The following NUDT16L1 variants were observed in gnomAD, a reference collection of about 807,000 sequenced individuals.
NUDT16L1 encodes the protein tudor-interacting repair regulator protein.
Under a neutral mutation model 17.3 loss-of-function variants are expected in NUDT16L1, and 19 were observed. The ratio of observed to expected loss-of-function variants is 1.10; its 90% CI spans 0.77 to 1.61. The LOEUF (loss-of-function observed/expected upper bound fraction) is 1.61. Ranked by LOEUF, NUDT16L1 falls within the 40% of genes most tolerant of loss-of-function variation. NUDT16L1 has a pLI of 0.00. For missense variants in NUDT16L1, 341 were observed against 292.0 expected (o/e 1.17, Z -1.22); for synonymous variants, 255 against 138.6 (o/e 1.84, Z -5.90).
intron 2 of NUDT16L1, chr16:4,694,750 G>T: frequency 1.4e-6 from 2 of 1,429,466 alleles, no homozygotes; most frequent in South Asian, 1.5e-5. Context: ...GAGTGCATGG[G>T]GTCAGCCTCC....
In NUDT16L1 at chr16:4,693,981, C is replaced by T. The variant is rs1489932671; in HGVS notation, c.157C>T (p.Gln53Ter). 1 of 1,575,076 alleles carries T rather than the reference C, an allele frequency of 6.3e-7. No individual in the cohort carries two copies. Among genetic ancestry groups the T allele is most frequent in the South Asian group, 1.1e-5 (1 of 87,614 alleles). The change falls in exon 2 of 3, where the codon CAG (glutamine) becomes TAG (stop). Residue 53 changes from glutamine to a stop codon, truncating the protein, a stop_gained. Transcript: ENST00000304301. LOFTEE classifies it high-confidence loss of function. ...TGTGACCCGCGCTCCCTTGCAGATG[C>T]AGATGCGTTTCGACGGGCTGCTGGG...
exon 3 of NUDT16L1, chr16:4,695,845 TCTGTGTGTTTCTCAGCTGCC>T (rs998628801): frequency 1.5e-4 from 49 of 331,752 alleles, no homozygotes; most frequent in Non-Finnish European, 1.5e-4. Context: ...CCGCAGCTGC[TCTGTGTGTTTCTCAGCTGCC>T]CTGTGTGTTT....
exon 1 of NUDT16L1, chr16:4,693,703 G>T: frequency 6.8e-7 from 1 of 1,479,996 alleles, no homozygotes; most frequent in Non-Finnish European, 9.0e-7. Context: ...AAGTGGCAGC[G>T]GCGGGGACGG....
At chr16:4,694,668 G>A (rs1314309398) in intron 2 of NUDT16L1, 3 of 1,420,910 alleles carry the variant, frequency 2.1e-6, no homozygotes, top group East Asian at 2.6e-5. Context: ...CGGGTGTTCA[G>A]GCTTCGTTGG....
exon 2 of NUDT16L1, chr16:4,694,208 C>T (rs746277511): frequency 3.2e-5 from 49 of 1,542,796 alleles, no homozygotes; most frequent in East Asian, 9.9e-5. Context: ...TGGAGATCAG[C>T]GCGGTGCACT....
chr16:4,695,013 TC>T lies in NUDT16L1; in HGVS notation c.474del (p.Asn159ThrfsTer3). 1 of 1,612,896 alleles carries T rather than the reference TC, an allele frequency of 6.2e-7. No individual in the cohort carries two copies. On this transcript the variant is annotated frameshift_variant, in exon 3 of 3. Coordinates refer to ENST00000304301, the Ensembl canonical transcript of NUDT16L1. LOFTEE classifies it high-confidence loss of function. ...ACCCAGAAGGACCGAGTCGGAGGCT[TC>T]CCCAACTTCCTGAGCAACGCCTTCG... is the stretch of plus-strand genomic sequence containing the variant.
In NUDT16L1 at chr16:4,694,052, CG is replaced by C. The variant is rs1567264552; in HGVS notation, c.230del (p.Gly77AlafsTer2). ...ACCGGCGCTTCTGGTCGCTGGAGGACGGCCTGAACCGGGTGCTGGGCCTGGG... is the reference window on the plus strand; with the variant it reads ...ACCGGCGCTTCTGGTCGCTGGAGGACGCCTGAACCGGGTGCTGGGCCTGGG... On this transcript the variant is annotated frameshift_variant, in exon 2 of 3. Coordinates refer to ENST00000304301, the Ensembl canonical transcript of NUDT16L1. LOFTEE classifies it high-confidence loss of function. 6.3e-7 allele frequency: 1 copy of C among 1,585,544 alleles called. No homozygotes were observed. The highest frequency in any genetic ancestry group is 8.5e-7 in the Non-Finnish European group (1 of 1,173,268).
exon 3 of NUDT16L1, chr16:4,695,263 T>A: frequency 7.2e-7 from 1 of 1,392,508 alleles, no homozygotes; most frequent in Non-Finnish European, 9.9e-7. Flanking sequence ...TGTTTGTGTG[T>A]ACCCCGCTTC....
chr16:4,693,585 G>T, upstream of NUDT16L1: 1 of 960,446 alleles, frequency 1.0e-6, no homozygotes, highest in South Asian at 3.7e-5. Flanking sequence ...GGCGCTGCGA[G>T]GGGCTCGGTC....
At chr16:4,693,784 C>T (rs1012773463) in exon 1 of NUDT16L1, 27 of 1,570,038 alleles carry the variant, frequency 1.7e-5, no homozygotes, top group African/African-American at 4.2e-5. Flanking sequence ...GGCGATGCGC[C>T]TAGGGCCGGG....
At chr16:4,695,163 T>G in exon 3 of NUDT16L1, 1 of 1,612,338 alleles carries the variant, frequency 6.2e-7, no homozygotes, top group Non-Finnish European at 8.5e-7. Context: ...GAGAAGTTGC[T>G]CCCGGCCTCC....
rs754914617 is a variant in NUDT16L1 at position 4,695,038 on chromosome 16, C to T, written c.495C>T (p.Phe165=). The T allele has an allele frequency of 1.2e-5, 19 of 1,613,340 alleles. No homozygotes were observed. In the East Asian group the frequency reaches 1.3e-4, roughly 11 times the overall value. The change falls in exon 3 of 3, where the codon TTC becomes TTT. Residue 165 remains phenylalanine, a synonymous_variant. Transcript: ENST00000304301. ...TCCCCAACTTCCTGAGCAACGCCTT[C>T]GTGAGCACGGCTAAGTGCCAGCTCC...
chr16:4,694,587 A>G, intron 2 of NUDT16L1: 1 of 1,435,100 alleles, frequency 7.0e-7, no homozygotes, highest in East Asian at 2.6e-5. Flanking sequence ...GGGGTTGTAA[A>G]ACTTGGGAAC....
At chr16:4,693,595 C>A (rs1289371251), upstream of NUDT16L1, 11 of 1,113,294 alleles carry the variant, frequency 9.9e-6, no homozygotes, top group Middle Eastern at 9.8e-4. Flanking sequence ...GGGGCTCGGT[C>A]CCGGGGCGCG....
exon 2 of NUDT16L1, chr16:4,694,221 C>A: frequency 2.6e-6 from 4 of 1,516,184 alleles, no homozygotes; most frequent in Non-Finnish European, 3.5e-6. Flanking sequence ...GGTGCACTCG[C>A]GCGACCACGG....
exon 3 of NUDT16L1, chr16:4,695,273 C>T (rs1184500843): frequency 2.3e-6 from 3 of 1,302,152 alleles, no homozygotes; most frequent in African/African-American, 2.9e-5. Flanking sequence ...TACCCCGCTT[C>T]TGACTGCCTA....
exon 2 of NUDT16L1, chr16:4,694,196 C>G (rs756151473): frequency 3.2e-6 from 5 of 1,562,554 alleles, no homozygotes; most frequent in Non-Finnish European, 2.6e-6. Flanking sequence ...AGCTGCACGC[C>G]GTGGAGATCA....
rs199834427 is a variant in NUDT16L1 at position 4,694,090 on chromosome 16, T to C, written c.266T>C (p.Leu89Pro). The C allele has an allele frequency of 1.8e-4, 294 of 1,591,536 alleles. No homozygotes were observed. Among genetic ancestry groups the C allele is most frequent in the Non-Finnish European group, 2.4e-4 (277 of 1,176,462 alleles). ...GTGCTGGGCCTGGGCCTGGGCTGCC[T>C]GCGCCTCACCGAGGCCGACTACCTG... The change falls in exon 2 of 3, where the codon CTG (leucine) becomes CCG (proline). Residue 89 changes from leucine to proline, a missense_variant. By Grantham distance (98) the Leu-to-Pro change is moderately conservative (BLOSUM62 -3). Coordinates refer to ENST00000304301, the Ensembl canonical transcript of NUDT16L1.
exon 3 of NUDT16L1, chr16:4,695,034 C>T: frequency 1.9e-6 from 3 of 1,613,400 alleles, no homozygotes; most frequent in Non-Finnish European, 1.7e-6. Flanking sequence ...CTGAGCAACG[C>T]CTTCGTGAGC....
Sources: allele counts gnomAD v4.1 joint callset, GRCh38; gene constraint gnomAD v4.1.1; transcripts MANE v1.5; gene names NCBI Gene and HGNC (gene_info 2026-07-23, HGNC 2026-07-21).